Variants in DNMBP observed in about 807,000 individuals in gnomAD.
DNMBP encodes the protein dynamin binding protein.
Under a neutral mutation model 150.0 loss-of-function variants are expected in DNMBP, and 87 were observed. That is an observed-to-expected ratio of 0.58 (90% CI 0.49 to 0.69). DNMBP has a LOEUF of 0.69. DNMBP is among the 30% of genes least tolerant of loss of function. DNMBP has a pLI of 0.00. For missense variants in DNMBP, 1,774 were observed against 1,949.0 expected (o/e 0.91, Z 1.69); for synonymous variants, 711 against 750.4 (o/e 0.95, Z 0.86).
Position 99,950,440 on chromosome 10 carries a change from G to A in DNMBP, c.2260+4774C>T, listed in dbSNP as rs573799026. The stretch of plus-strand genomic sequence containing the variant: ...CTGACTTTGGAACTGGGTAACAGGC[G>A]GAGGCTGGAACAATTTGGAGGGCTC... On this transcript the variant is annotated intron_variant, in intron 4 of 16. Transcript: ENST00000324109. Among the ~76,000 whole-genome samples, 14 of 152,264 alleles carry A rather than the reference G, an allele frequency of 9.2e-5. 1 individual carries two copies. The highest frequency in any genetic ancestry group is 2.1e-4 in the South Asian group (1 of 4,832).
At chr10:99,999,035 C>A (rs564679056) in intron 1 of DNMBP, among the ~76,000 whole-genome samples, 35 of 152,234 alleles carry the variant, frequency 2.3e-4, no homozygotes, top group Non-Finnish European at 4.3e-4. Flanking sequence ...TGGTTTCTGT[C>A]TGCAGCTGTC....
At chr10:99,922,698 G>T (rs2040037578) in intron 4 of DNMBP, among the ~76,000 whole-genome samples, 1 of 151,810 alleles carries the variant, frequency 6.6e-6, no homozygotes, top group Non-Finnish European at 1.5e-5. Flanking sequence ...TGTTTGTCTA[G>T]CTTCTTGAGA....
intron 4 of DNMBP, among the ~76,000 whole-genome samples, chr10:99,954,053 G>A (rs559822472): frequency 6.6e-6 from 1 of 150,922 alleles, no homozygotes; most frequent in African/African-American, 2.4e-5. Context: ...TTTTTTTGGA[G>A]ACAGGGTCTC....
At chr10:99,948,965 A>AAAATAAAT (rs55754467) in intron 4 of DNMBP, among the ~76,000 whole-genome samples, 7,448 of 137,130 alleles carry the variant, frequency 0.054, 260 homozygotes, top group Non-Finnish European at 0.066. Context: ...CTCCATCTCA[A>AAAATAAAT]AAATAAATAA....
chr10:99,972,522 TG>T (rs1190422292), intron 1 of DNMBP, among the ~76,000 whole-genome samples: 1 of 152,148 alleles, frequency 6.6e-6, no homozygotes, highest in Non-Finnish European at 1.5e-5. Flanking sequence ...CTGCCTACCC[TG>T]GCCTCCCAAA....
intron 4 of DNMBP, among the ~76,000 whole-genome samples, chr10:99,945,628 C>G (rs2040348316): frequency 6.6e-6 from 1 of 152,218 alleles, no homozygotes; most frequent in East Asian, 1.9e-4. Context: ...TGATTCTGTA[C>G]AGTGCTAAAT....
intron 1 of DNMBP, among the ~76,000 whole-genome samples, chr10:99,998,576 TCTCAAAAAAAAAAAAAAAAA>T (rs1319676979): frequency 1.6e-4 from 18 of 110,800 alleles, no homozygotes; most frequent in Non-Finnish European, 2.6e-4. Flanking sequence ...TGAGACTCCG[TCTCAAAAAAAAAAAAAAAAA>T]AAGAAACACA....
chr10:99,958,622 A>C (rs1293000427), intron 3 of DNMBP, among the ~76,000 whole-genome samples: 1 of 152,224 alleles, frequency 6.6e-6, no homozygotes, highest in African/African-American at 2.4e-5. Context: ...ACTTGTATCT[A>C]CTACCATGGG....
chr10:100,008,299 A>G (rs1243577686), intron 1 of DNMBP, among the ~76,000 whole-genome samples: 3 of 152,240 alleles, frequency 2.0e-5, no homozygotes, highest in Non-Finnish European at 4.4e-5. Flanking sequence ...TCAGCCAAAA[A>G]ATACACAATA....
chr10:99,967,107 T>C (rs941414921), intron 3 of DNMBP, among the ~76,000 whole-genome samples: 1 of 151,844 alleles, frequency 6.6e-6, no homozygotes. Flanking sequence ...CTCTTATCAA[T>C]CCTAATGATA....
At chr10:99,896,640 C>T (rs905395895) in intron 9 of DNMBP, among the ~76,000 whole-genome samples, 1 of 152,122 alleles carries the variant, frequency 6.6e-6, no homozygotes, top group Non-Finnish European at 1.5e-5. Context: ...AGGGAAAGAA[C>T]TTAAGGAAAT....
At chr10:99,968,806 C>A (rs990068065) in intron 3 of DNMBP, among the ~76,000 whole-genome samples, 5 of 151,978 alleles carry the variant, frequency 3.3e-5, no homozygotes, top group African/African-American at 1.2e-4. Flanking sequence ...GAGGCCAAGA[C>A]TTCCCACCTT....
intron 1 of DNMBP, among the ~76,000 whole-genome samples, chr10:99,978,781 A>T (rs1246871853): frequency 6.6e-6 from 1 of 152,146 alleles, no homozygotes; most frequent in Non-Finnish European, 1.5e-5. Flanking sequence ...CATGTTGCCC[A>T]GGCTGGTGGT....
intron 1 of DNMBP, among the ~76,000 whole-genome samples, chr10:100,000,698 T>C (rs1220919773): frequency 6.6e-6 from 1 of 151,962 alleles, no homozygotes; most frequent in Admixed American, 6.6e-5. Context: ...ATTCATCTTA[T>C]AGATTCATCT....
intron 4 of DNMBP, among the ~76,000 whole-genome samples, chr10:99,934,734 A>C (rs1190213023): frequency 7.9e-6 from 1 of 126,758 alleles, no homozygotes; most frequent in East Asian, 2.1e-4. Flanking sequence ...GTGAGGAAAT[A>C]ATGCGTGGGG....
intron 4 of DNMBP, among the ~76,000 whole-genome samples, chr10:99,932,634 TAAG>T (rs1470670934): frequency 6.7e-6 from 1 of 149,384 alleles, no homozygotes; most frequent in African/African-American, 2.5e-5. Flanking sequence ...TATCCGATTC[TAAG>T]AAGACCTGCA....
intron 4 of DNMBP, 21 bp from the exon 5 acceptor site, chr10:99,909,167 G>A: frequency 6.3e-7 from 1 of 1,599,430 alleles, no homozygotes; most frequent in African/African-American, 1.3e-5. Context: ...AAAGAGAACT[G>A]GTTAGCAGCT....
chr10:99,957,061 G>T lies in DNMBP; in HGVS notation c.413C>A (p.Ala138Asp), dbSNP rs1362011307. 2 of 1,614,184 alleles carry T rather than the reference G, an allele frequency of 1.2e-6. No individual in the cohort carries two copies. Among genetic ancestry groups the T allele is most frequent in the Non-Finnish European group, 1.7e-6 (2 of 1,180,026 alleles). The change falls in exon 4 of 17, where the codon GCC becomes GAC. Residue 138 changes from alanine to aspartate, a missense_variant. This residue lies in a region of DNMBP where 344 missense variants were observed against 456.6 expected (regional missense o/e 0.75). Transcript: ENST00000324109. Reference protein sequence around the residue: ...SQSRQWHSQSALFQIPEYSMG... With the variant: ...SQSRQWHSQSDLFQIPEYSMG... ...GGAATATTCCGGAATCTGAAACAGG[G>T]CGCTCTGGGAGTGCCACTGCCGGCT...
At position 99,886,616 on chromosome 10, in the gene DNMBP, C is replaced by T. The variant is rs35881299; in HGVS notation, c.3302G>A (p.Arg1101Gln). 3,568 of 1,613,442 alleles carry T rather than the reference C, an allele frequency of 2.2e-3. 64 individuals are homozygous for T. In the African/African-American group the frequency reaches 0.041, roughly 18 times the overall value. Residue 1101 changes from arginine (R) to glutamine (Q), a missense_variant, in exon 13 of 17, where the codon CGG (arginine) becomes CAG (glutamine). Arg to Gln is a conservative substitution (Grantham distance 43, BLOSUM62 1). Around this residue, in one of 2 missense-constraint regions of DNMBP, gnomAD observed 1,430 missense variants for 1,492.5 expected, o/e 0.96. Coordinates refer to ENST00000324109, the MANE Select transcript of DNMBP (RefSeq NM_015221.4). The stretch of plus-strand genomic sequence containing the variant: ...CTGATTTAAGGGGGAGATGACAAGC[C>T]GCTCTGTCCTCTCCTTCTGTAGGGA... Reference protein sequence around the residue: ...LFTNFKERTERLVISPLNQLL... With the variant: ...LFTNFKERTEQLVISPLNQLL...
Sources: allele counts gnomAD v4.1 joint callset (sites outside exome capture counted in the v4.1 genomes callset), GRCh38; gene constraint gnomAD v4.1.1; regional missense constraint gnomAD v4.1.1; transcripts MANE v1.5; gene names NCBI Gene and HGNC (gene_info 2026-07-23, HGNC 2026-07-21).